EPC1: variants seen among roughly 807,000 people sequenced by gnomAD.
EPC1 encodes the protein enhancer of polycomb 1.
Under a neutral mutation model 98.4 loss-of-function variants are expected in EPC1, and 12 were observed. That is an observed-to-expected ratio of 0.12 (90% CI 0.08 to 0.20). EPC1 has a LOEUF of 0.20. Ranked by LOEUF, EPC1 falls within the 10% of genes least tolerant of loss-of-function variation. The probability of loss-of-function intolerance (pLI) is 1.00; values close to 1 mark genes in which losing one functional copy is unlikely to be tolerated. For synonymous variants in EPC1, 357 were observed against 363.9 expected (o/e 0.98, Z 0.21); for missense variants, 729 against 990.5 (o/e 0.74, Z 3.54).
rs531491121 is a variant in EPC1 at position 32,269,018 on chromosome 10, T to C, written c.*45A>G. The C allele has an allele frequency of 3.3e-6, 5 of 1,516,748 alleles. No individual in the cohort carries two copies. The African/African-American group carries it at 6.9e-5, about 21-fold the overall frequency. The allele number at this position is 1,516,748 out of a possible 1,614,324, so 94.0% of individuals were successfully genotyped here. On this transcript the variant is annotated 3_prime_UTR_variant, in exon 14 of 14. Coordinates refer to ENST00000319778, the MANE Select transcript of EPC1 (RefSeq NM_001272004.3). ...TTGCATTCAAAATGCTACTGATGCATAGCACCTAATCAAGTCCCCAGGCTG... is the reference window on the plus strand; with the variant it reads ...TTGCATTCAAAATGCTACTGATGCACAGCACCTAATCAAGTCCCCAGGCTG...
intron 1 of EPC1, among the ~76,000 whole-genome samples, chr10:32,332,233 G>C (rs1837680625): frequency 6.6e-6 from 1 of 152,206 alleles, no homozygotes; most frequent in Non-Finnish European, 1.5e-5. Flanking sequence ...AAACAGGTTT[G>C]TTGAACAGAT....
intron 13 of EPC1, among the ~76,000 whole-genome samples, chr10:32,271,224 T>C (rs1456007706): frequency 6.6e-6 from 1 of 152,048 alleles, no homozygotes; most frequent in Non-Finnish European, 1.5e-5. Context: ...CTCCTGACCT[T>C]AGGTGATCTG....
rs1592613291 is a variant in EPC1 at position 32,337,404 on chromosome 10, T to C, written c.153+9359A>G. Among the ~76,000 whole-genome samples the C allele has an allele frequency of 2.6e-5, 4 of 152,312 alleles. No individual in the cohort carries two copies. The Middle Eastern group carries it at 0.014, about 518-fold the overall frequency. ...TTCCTCATGGACAGGATCAGATCAGTTTTCAGCTAGACACTCGAAGGGACA... is the reference window on the plus strand; with the variant it reads ...TTCCTCATGGACAGGATCAGATCAGCTTTCAGCTAGACACTCGAAGGGACA... On this transcript the variant is annotated intron_variant, in intron 1 of 13. Transcript: ENST00000319778.
At position 32,287,137 on chromosome 10, in the gene EPC1, C is replaced by G; in HGVS notation, c.1113G>C (p.Gln371His). 6.2e-7 allele frequency: 1 copy of G among 1,614,156 alleles called. No homozygotes were observed. The highest frequency in any genetic ancestry group is 1.7e-5 in the Admixed American group (1 of 60,012). The change falls in exon 7 of 14, where the codon CAG becomes CAC. Residue 371 changes from glutamine to histidine, a missense_variant. Physicochemically the swap from Gln to His is conservative, Grantham distance 24 (BLOSUM62 0). Around this residue, in one of 6 missense-constraint regions of EPC1, gnomAD observed 390 missense variants for 438.6 expected, o/e 0.89. Coordinates refer to ENST00000319778, the MANE Select transcript of EPC1 (RefSeq NM_001272004.3). ...CTTCGTCTGAGCTGGGAAAGTCATA[C>G]TGATTCAGATCTTTAGCATTGAAGA... is the stretch of plus-strand genomic sequence containing the variant. ...LPVFNAKDLN[Q>H]YDFPSSDEEP...
At chr10:32,370,149 C>T (rs543711824) in intron 1 of EPC1, among the ~76,000 whole-genome samples, 2 of 152,298 alleles carry the variant, frequency 1.3e-5, no homozygotes, top group East Asian at 1.9e-4. Flanking sequence ...CATCAAATAA[C>T]TCATAACTGA....
chr10:32,290,493 A>G lies in EPC1; in HGVS notation c.975+670T>C, dbSNP rs1490273668. 1.6e-4 allele frequency among the ~76,000 whole-genome samples: 13 copies of G among 80,102 alleles called. 1 individual carries two copies. The highest frequency in any genetic ancestry group is 4.7e-4 in the African/African-American group (13 of 27,770). The allele number at this position is 80,102 out of a possible 152,430, so 52.6% of individuals were successfully genotyped here. ...AGAGCAAGACTCTGTCAAAAAAAAA[A>G]AAAAAAAAAAAAAAAGAAAGAAAGA... On this transcript the variant is annotated intron_variant, in intron 6 of 13. Transcript: ENST00000319778.
intron 1 of EPC1, among the ~76,000 whole-genome samples, chr10:32,306,229 T>C (rs1564537474): frequency 6.6e-6 from 1 of 152,232 alleles, no homozygotes; most frequent in Non-Finnish European, 1.5e-5. Context: ...ATTTTACGGA[T>C]GAGACGTGGA....
intron 1 of EPC1, among the ~76,000 whole-genome samples, chr10:32,328,499 T>TAGGAAGCAGGTTGTC (rs1174517847): frequency 1.3e-5 from 2 of 152,200 alleles, no homozygotes; most frequent in Non-Finnish European, 2.9e-5. Flanking sequence ...CAACTTTCTA[T>TAGGAAGCAGGTTGTC]AGGAAGCAGG....
At chr10:32,320,627 C>T (rs1592593599) in intron 1 of EPC1, among the ~76,000 whole-genome samples, 3 of 152,096 alleles carry the variant, frequency 2.0e-5, no homozygotes, top group African/African-American at 7.2e-5. Context: ...GACAGTCTTG[C>T]TCTGTTGCCC....
intron 1 of EPC1, among the ~76,000 whole-genome samples, chr10:32,356,497 G>A (rs1017615441): frequency 3.9e-5 from 6 of 152,092 alleles, no homozygotes; most frequent in Non-Finnish European, 7.3e-5. Flanking sequence ...AGAACAGAGG[G>A]AGAGGCTGGG....
At chr10:32,349,474 C>T (rs955915093), upstream of EPC1, among the ~76,000 whole-genome samples, 2 of 152,178 alleles carry the variant, frequency 1.3e-5, no homozygotes, top group Admixed American at 6.5e-5. Context: ...TCTCATCATT[C>T]CTTTATCCGT....
intron 1 of EPC1, among the ~76,000 whole-genome samples, chr10:32,336,452 AC>A (rs1837981557): frequency 1.3e-5 from 2 of 151,970 alleles, no homozygotes. Flanking sequence ...AACCCTATCT[AC>A]CTACTTTGTG....
intron 1 of EPC1, among the ~76,000 whole-genome samples, chr10:32,365,819 CAAAAAAAAAAAAAAAA>C (rs55769539): frequency 6.8e-3 from 261 of 38,470 alleles, no homozygotes; most frequent in African/African-American, 0.034. Flanking sequence ...CTCCGTCTCA[CAAAAAAAAAAAAAAAA>C]AAAAAAAAAA....
chr10:32,317,912 C>T (rs367798158), intron 1 of EPC1, among the ~76,000 whole-genome samples: 1 of 152,078 alleles, frequency 6.6e-6, no homozygotes, highest in African/African-American at 2.4e-5. Context: ...AAACATTTGC[C>T]AATTTACTAC....
upstream of EPC1, among the ~76,000 whole-genome samples, chr10:32,349,702 A>G (rs1839056857): frequency 6.6e-6 from 1 of 152,194 alleles, no homozygotes; most frequent in Non-Finnish European, 1.5e-5. Flanking sequence ...CCTGGGCTCA[A>G]GTGATCCTCC....
intron 1 of EPC1, among the ~76,000 whole-genome samples, chr10:32,327,484 T>C (rs1185650320): frequency 6.6e-6 from 1 of 152,082 alleles, no homozygotes; most frequent in East Asian, 1.9e-4. Flanking sequence ...AAATGATAAA[T>C]GCTTAAGGTC....
At chr10:32,365,963 G>C (rs749321956) in intron 1 of EPC1, among the ~76,000 whole-genome samples, 1 of 149,466 alleles carries the variant, frequency 6.7e-6, no homozygotes, top group African/African-American at 2.5e-5. Context: ...GTGAAACCCC[G>C]TCTCTACTAA....
chr10:32,273,076 C>A, intron 11 of EPC1, 87 bp downstream of exon 11: 1 of 1,614,122 alleles, frequency 6.2e-7, no homozygotes, highest in Non-Finnish European at 8.5e-7. Flanking sequence ...TGGTTAGATG[C>A]AAGGTTCTAT....
chr10:32,283,110 C>G (rs1480218407), intron 10 of EPC1: 3 of 152,122 alleles, frequency 2.0e-5, no homozygotes, highest in African/African-American at 7.2e-5. Context: ...TGAAAGACTT[C>G]CATTTCATAG....
Sources: gnomAD v4.1 joint callset for allele counts (sites outside exome capture counted in the v4.1 genomes callset) on GRCh38, gnomAD v4.1.1 for gene constraint, gnomAD v4.1.1 regional missense constraint, MANE v1.5 for transcripts, NCBI Gene and HGNC (gene_info 2026-07-23, HGNC 2026-07-21) for gene names.